Variants in ANK1 observed in about 807,000 individuals in gnomAD.
ANK1 encodes the protein ankyrin-1.
Under a neutral mutation model 210.4 loss-of-function variants are expected in ANK1, and 51 were observed. The observed-to-expected ratio is 0.24, with a 90% CI of 0.19 to 0.31. The LOEUF is 0.31. Among genes scored for constraint, ANK1 ranks in the 10% least tolerant of loss-of-function variants. The probability of loss-of-function intolerance (pLI) is 1.00; values close to 1 mark genes in which losing one functional copy is unlikely to be tolerated. For synonymous variants in ANK1, 967 were observed against 1,025.9 expected, an observed-to-expected ratio of 0.94 and a Z score of 1.10; for missense variants, 2,051 against 2,504.4, an observed-to-expected ratio of 0.82 and a Z score of 3.86.
Position 41,688,519 on chromosome 8 carries a change from G to C in ANK1, c.4175C>G (p.Ser1392Cys). ...TCACACAGAGGCCGTACCTGGTGTG[G>C]ACTCACTGAGAATGCTGTATCGCAG... is the stretch of plus-strand genomic sequence containing the variant. ...LALRYSILSE[S>C]TPGSLSGTEQ... Residue 1392 changes from serine to cysteine, a missense_variant, in exon 34 of 43, where the codon TCC (serine) becomes TGC (cysteine). Ser to Cys is a moderately radical substitution (Grantham distance 112). Coordinates refer to ENST00000289734, the MANE Select transcript of ANK1 (RefSeq NM_000037.4). The C allele has an allele frequency of 6.2e-7, 1 of 1,614,126 alleles. No homozygotes were observed. Among genetic ancestry groups the C allele is most frequent in the African/African-American group, 1.3e-5 (1 of 75,056 alleles).
In ANK1 at chr8:41,757,425, G is replaced by A. The variant is rs535745376; in HGVS notation, c.129+611C>T. Among the ~76,000 whole-genome samples, 3 of 152,292 alleles carry A rather than the reference G, an allele frequency of 2.0e-5. No homozygotes were observed. The East Asian group carries it at 5.8e-4, about 29-fold the overall frequency. On this transcript the variant is annotated intron_variant, in intron 2 of 42. Coordinates refer to ENST00000289734, the MANE Select transcript of ANK1 (RefSeq NM_000037.4). ...TTGCCTCTCTATTTAGTTAGTTCCT[G>A]GATCTTTGGCTCCAAGCCCGAGTCT...
intron 1 of ANK1, among the ~76,000 whole-genome samples, chr8:41,794,012 G>A (rs892534300): frequency 6.6e-6 from 1 of 152,144 alleles, no homozygotes; most frequent in Non-Finnish European, 1.5e-5. Context: ...TACTACAATT[G>A]CATGATAACA....
intron 2 of ANK1, among the ~76,000 whole-genome samples, chr8:41,735,768 T>C (rs971682148): frequency 6.6e-6 from 1 of 152,176 alleles, no homozygotes; most frequent in Non-Finnish European, 1.5e-5. Flanking sequence ...AAAGTCATGA[T>C]AGGAGAATGG....
chr8:41,838,667 G>T (rs1363874300), intron 1 of ANK1, among the ~76,000 whole-genome samples: 1 of 151,736 alleles, frequency 6.6e-6, no homozygotes, highest in African/African-American at 2.4e-5. Flanking sequence ...TCAGGAGGCT[G>T]GGCAGGAGAA....
At chr8:41,853,061 C>G (rs577158390) in intron 1 of ANK1, among the ~76,000 whole-genome samples, 3 of 152,280 alleles carry the variant, frequency 2.0e-5, no homozygotes, top group East Asian at 1.9e-4. Context: ...CAGTGAGAAA[C>G]GGAAAATATT....
chr8:41,691,693 G>A (rs932648980), intron 31 of ANK1, among the ~76,000 whole-genome samples: 8 of 152,062 alleles, frequency 5.3e-5, no homozygotes, highest in Non-Finnish European at 8.8e-5. Flanking sequence ...TAGACTCTGG[G>A]GCCAGAGATG....
rs1340691863 is a variant in ANK1 at position 41,797,512 on chromosome 8, T to C, written c.27A>G (p.Glu9=). 17 of 1,613,614 alleles carry C rather than the reference T, an allele frequency of 1.1e-5. No homozygotes were observed. The highest frequency in any genetic ancestry group is 1.2e-5 in the Non-Finnish European group (14 of 1,179,840). The change falls in exon 1 of 43, where the codon GAA becomes GAG. Residue 9 remains glutamate, a splice_region_variant and synonymous_variant. Transcript: ENST00000289734. The surrounding 1 kb of genome is among the most constrained non-coding windows in gnomAD (Gnocchi z 4.0). The stretch of plus-strand genomic sequence containing the variant: ...ACCCGAGCAGCCGCCCAGTACTCAC[T>C]TCGCGGAAGCCCACAGAATAGGGCA... MPYSVGFR[E]ADAATSFLRA...
rs1402159009 is a variant in ANK1 at position 41,770,714 on chromosome 8, G to C, written c.28-12577C>G. Among the ~76,000 whole-genome samples the C allele has an allele frequency of 3.3e-5, 5 of 152,302 alleles. No individual in the cohort carries two copies. The East Asian group carries it at 9.7e-4, about 29-fold the overall frequency. On this transcript the variant is annotated intron_variant, in intron 1 of 42. Coordinates refer to ENST00000289734, the MANE Select transcript of ANK1 (RefSeq NM_000037.4). ...AGGGTTGAGGCTTTGAAAAACTTAG[G>C]CAGGCGATGAGTCAGGCAAGGCCCA...
chr8:41,877,516 T>C (rs936134758), intron 1 of ANK1, among the ~76,000 whole-genome samples: 4 of 152,226 alleles, frequency 2.6e-5, no homozygotes, highest in Admixed American at 6.5e-5. Flanking sequence ...TATACACTTA[T>C]GGAGAACCAA....
chr8:41,765,846 G>A (rs1000205238), intron 1 of ANK1, among the ~76,000 whole-genome samples: 29 of 152,100 alleles, frequency 1.9e-4, no homozygotes, highest in African/African-American at 5.6e-4. Flanking sequence ...CCGGAAGCAC[G>A]CTGCAGAATG....
intron 1 of ANK1, among the ~76,000 whole-genome samples, chr8:41,831,997 G>T (rs1245778528): frequency 6.6e-6 from 1 of 152,178 alleles, no homozygotes; most frequent in Non-Finnish European, 1.5e-5. Context: ...ATAGATCTGT[G>T]GTGGCAGGGG....
intron 1 of ANK1, among the ~76,000 whole-genome samples, chr8:41,793,099 G>A (rs1031215050): frequency 3.9e-5 from 6 of 152,228 alleles, no homozygotes; most frequent in South Asian, 2.1e-4. Context: ...GTCCAGGGCC[G>A]AGTGCGGTGG....
chr8:41,844,541 G>T (rs774783008), intron 1 of ANK1, among the ~76,000 whole-genome samples: 2 of 152,078 alleles, frequency 1.3e-5, no homozygotes, highest in Non-Finnish European at 2.9e-5. Flanking sequence ...ACTGCCACAG[G>T]GGGGCGGGCA....
intron 1 of ANK1, among the ~76,000 whole-genome samples, chr8:41,876,636 G>C (rs1995679): frequency 0.22 from 33,403 of 152,144 alleles, 3,990 homozygotes; most frequent in South Asian, 0.38. Context: ...AAGGGCTCTG[G>C]TTTCCAGCCT....
chr8:41,831,029 C>T lies in ANK1; in HGVS notation c.126+65326G>A, dbSNP rs565471508. ...CCCAATGTGTCCCATAAACGGATCC[C>T]ATGAGAATAAGCTTGCAGCAACAGA... On this transcript the variant is annotated intron_variant, in intron 1 of 42. Transcript: ENST00000265709. Among the ~76,000 whole-genome samples the T allele has an allele frequency of 6.6e-5, 10 of 152,266 alleles. 1 individual carries two copies. The highest frequency in any genetic ancestry group is 2.4e-4 in the African/African-American group (10 of 41,538).
In ANK1 at chr8:41,797,468, T is replaced by A; in HGVS notation, c.27+44A>T. ...TACTGGCGCGGCCTGGGTGGCCCCC[T>A]CCTGACATCTCCCCGTCCACCCGAG... On this transcript the variant is annotated intron_variant, in intron 1 of 42. Coordinates refer to ENST00000289734, the MANE Select transcript of ANK1 (RefSeq NM_000037.4). The surrounding 1 kb of genome is among the most constrained non-coding windows in gnomAD (Gnocchi z 4.0). 1 of 1,587,738 alleles carries A rather than the reference T, an allele frequency of 6.3e-7. No homozygotes were observed. The highest frequency in any genetic ancestry group is 8.6e-7 in the Non-Finnish European group (1 of 1,159,676).
chr8:41,766,533 C>T (rs1185439451), intron 1 of ANK1, among the ~76,000 whole-genome samples: 5 of 152,224 alleles, frequency 3.3e-5, no homozygotes, highest in Admixed American at 3.3e-4. Context: ...AAGTGCTGGG[C>T]TCCCTCTTAA....
At chr8:41,710,847 C>A (rs1825936919) in intron 16 of ANK1, among the ~76,000 whole-genome samples, 1 of 152,232 alleles carries the variant, frequency 6.6e-6, no homozygotes, top group Non-Finnish European at 1.5e-5. Flanking sequence ...CTGGCCAAGG[C>A]AGTCAAAGCC....
At chr8:41,687,805 ATC>A (rs758989818) in intron 35 of ANK1, among the ~76,000 whole-genome samples, 3 of 152,172 alleles carry the variant, frequency 2.0e-5, no homozygotes, top group Non-Finnish European at 4.4e-5. Flanking sequence ...TTAAAATAAG[ATC>A]TACCCTGATG....
Sources: gnomAD v4.1 joint callset for allele counts (sites outside exome capture counted in the v4.1 genomes callset) on GRCh38, gnomAD v4.1.1 for gene constraint, Gnocchi (gnomAD v3.1) non-coding constraint, MANE v1.5 for transcripts, NCBI Gene and HGNC (gene_info 2026-07-23, HGNC 2026-07-21) for gene names.